MCPH1: variants seen among roughly 807,000 people sequenced by gnomAD.
The protein encoded by MCPH1 is microcephalin 1, also known as microcephalin.
MCPH1 carries 104 observed loss-of-function variants against 84.5 expected under a neutral mutation model. The ratio of observed to expected loss-of-function variants is 1.23; its 90% CI spans 1.05 to 1.45. The LOEUF (loss-of-function observed/expected upper bound fraction) is 1.45. MCPH1 is among the 40% of genes most tolerant of loss of function. The pLI, the probability that MCPH1 is intolerant of heterozygous loss-of-function variation, is 0.00. For missense variants in MCPH1, 1,498 were observed against 1,005.7 expected (o/e 1.49, Z -6.62); for synonymous variants, 514 against 366.8 (o/e 1.40, Z -4.58).
intron 12 of MCPH1, among the ~76,000 whole-genome samples, chr8:6,591,756 G>A (rs552932659): frequency 2.6e-5 from 4 of 152,266 alleles, no homozygotes; most frequent in East Asian, 1.9e-4. Context: ...ATAGAAGGGC[G>A]TTCAAATTCC....
chr8:6,495,153 C>T (rs1308369569), intron 11 of MCPH1, among the ~76,000 whole-genome samples: 1 of 152,128 alleles, frequency 6.6e-6, no homozygotes, highest in African/African-American at 2.4e-5. Context: ...ATGCTTTGGA[C>T]ATAAGTACCC....
intron 12 of MCPH1, among the ~76,000 whole-genome samples, chr8:6,542,291 G>GGTGTGT (rs59101845): frequency 4.7e-5 from 7 of 150,048 alleles, no homozygotes; most frequent in African/African-American, 1.5e-4. Context: ...GTGAGGTAGG[G>GGTGTGT]GTGTGTGTGT....
chr8:6,480,849 T>G lies in MCPH1; in HGVS notation c.2109T>G (p.Arg703=). 1 of 1,614,200 alleles carries G rather than the reference T, an allele frequency of 6.2e-7. No homozygotes were observed. Residue 703 remains arginine, a synonymous_variant, in exon 11 of 14, where the codon CGT becomes CGG. Transcript: ENST00000344683. ...RTLNVLLGIA[R]GCWVLSYDWV... ...TGAATGTGCTGCTGGGAATTGCGCG[T>G]GGCTGCTGGGTTCTCTCTTATGATT...
chr8:6,413,729 G>C (rs1798853919), intron 2 of MCPH1, among the ~76,000 whole-genome samples: 1 of 150,134 alleles, frequency 6.7e-6, no homozygotes, highest in South Asian at 2.1e-4. Flanking sequence ...ATAATCTTCT[G>C]ATCATGTTGC....
chr8:6,588,800 C>G (rs1298811939), intron 12 of MCPH1, among the ~76,000 whole-genome samples: 1 of 152,266 alleles, frequency 6.6e-6, no homozygotes, highest in African/African-American at 2.4e-5. Flanking sequence ...CCAGGTCTCA[C>G]CAGCTGCCCT....
At chr8:6,438,490 C>G (rs541593798) in intron 5 of MCPH1, among the ~76,000 whole-genome samples, 2 of 152,172 alleles carry the variant, frequency 1.3e-5, no homozygotes, top group Non-Finnish European at 2.9e-5. Flanking sequence ...GGTTCCGGGA[C>G]CATGCTGATC....
chr8:6,626,396 A>G (rs1832076690), intron 13 of MCPH1: 2 of 981,642 alleles, frequency 2.0e-6, no homozygotes, highest in Non-Finnish European at 2.4e-6. Flanking sequence ...CTGAAACTGT[A>G]TTGTACTTGG....
In MCPH1 at chr8:6,459,062, T is replaced by G. The variant is rs956321853; in HGVS notation, c.1935+3810T>G. ...AATGAGTCCACAGAAACACTAAAAT[T>G]TAGTTTCCTGGTTTTAAAAGTATAC... On this transcript the variant is annotated intron_variant, in intron 9 of 13. Coordinates refer to ENST00000344683, the MANE Select transcript of MCPH1 (RefSeq NM_024596.5). Among the ~76,000 whole-genome samples, 2 of 152,190 alleles carry G rather than the reference T, an allele frequency of 1.3e-5. 1 individual carries two copies. Among genetic ancestry groups the G allele is most frequent in the African/African-American group, 4.8e-5 (2 of 41,428 alleles).
intron 13 of MCPH1, among the ~76,000 whole-genome samples, chr8:6,634,454 C>G (rs1797393040): frequency 6.6e-6 from 1 of 152,064 alleles, no homozygotes; most frequent in African/African-American, 2.4e-5. Flanking sequence ...GCTGACGGGA[C>G]AGCCCCTACA....
rs1798131969 is a variant in MCPH1 at position 6,644,752 on chromosome 8, T to C, written c.*1703T>C. On this transcript the variant is annotated 3_prime_UTR_variant, in exon 14 of 14. Coordinates refer to ENST00000344683, the MANE Select transcript of MCPH1 (RefSeq NM_024596.5). ...CTCTGGGTTATTTATCTGTTGCTCA[T>C]CTCAGCTGTTGTTCCTACCTCAAAT... is the stretch of plus-strand genomic sequence containing the variant. 1 of 152,188 alleles carries C rather than the reference T, an allele frequency of 6.6e-6. No homozygotes were observed. The allele number at this position is 152,188 out of a possible 1,614,324, so 9.4% of individuals were successfully genotyped here. A position where few individuals can be genotyped will look rare whatever the true frequency, so the allele number is the denominator to read the frequency against.
At chr8:6,618,445 T>G (rs1014052048) in intron 12 of MCPH1, 2 of 152,268 alleles carry the variant, frequency 1.3e-5, no homozygotes. Context: ...TTTCCTTTTC[T>G]ACTGCATTAC....
chr8:6,624,004 C>G (rs892071080), intron 13 of MCPH1, among the ~76,000 whole-genome samples: 12 of 152,200 alleles, frequency 7.9e-5, no homozygotes, highest in Non-Finnish European at 1.3e-4. Flanking sequence ...CCGAGCCTGC[C>G]TCTGCACTCG....
At chr8:6,507,471 C>A (rs1463863109) in intron 12 of MCPH1, 1 of 152,020 alleles carries the variant, frequency 6.6e-6, no homozygotes, top group African/African-American at 2.4e-5. Context: ...AACTTGACAG[C>A]ATTTGTCACA....
chr8:6,503,392 G>C (rs1812590183), intron 12 of MCPH1: 3 of 847,492 alleles, frequency 3.5e-6, no homozygotes, highest in South Asian at 3.3e-5. Context: ...ATGATGGTGA[G>C]TATAGGATGT....
chr8:6,453,268 C>G (rs912526125), intron 8 of MCPH1, among the ~76,000 whole-genome samples: 4 of 152,130 alleles, frequency 2.6e-5, no homozygotes, highest in African/African-American at 9.7e-5. Context: ...TTACCGATGT[C>G]AATGTTAAAA....
At chr8:6,629,394 G>A (rs4087838) in intron 13 of MCPH1, among the ~76,000 whole-genome samples, 12,566 of 152,196 alleles carry the variant, frequency 0.083, 1,017 homozygotes, top group East Asian at 0.38. Flanking sequence ...CACAAGAGGC[G>A]GAGGCTGCAG....
intron 12 of MCPH1, chr8:6,527,657 C>G (rs372474985): frequency 1.2e-6 from 2 of 1,613,704 alleles, no homozygotes; most frequent in African/African-American, 1.3e-5. Context: ...AAGTTCAAGT[C>G]TCGTGGTCTG....
At chr8:6,569,244 G>GA (rs1474966248) in intron 12 of MCPH1, among the ~76,000 whole-genome samples, 7 of 152,038 alleles carry the variant, frequency 4.6e-5, no homozygotes, top group Non-Finnish European at 8.8e-5. Flanking sequence ...TCTGCCAAAA[G>GA]AAAAAAATCT....
intron 12 of MCPH1, among the ~76,000 whole-genome samples, chr8:6,615,035 C>T (rs530097869): frequency 1.3e-5 from 2 of 152,338 alleles, no homozygotes; most frequent in East Asian, 3.9e-4. Context: ...TAACCACGCT[C>T]ACACTGCGTA....
Sources: allele counts gnomAD v4.1 joint callset (sites outside exome capture counted in the v4.1 genomes callset), GRCh38; gene constraint gnomAD v4.1.1; transcripts MANE v1.5; gene names NCBI Gene and HGNC (gene_info 2026-07-23, HGNC 2026-07-21).